Variants in CACNA1D observed in about 807,000 individuals in gnomAD.
The protein encoded by CACNA1D is calcium voltage-gated channel subunit alpha1 D.
CACNA1D carries 55 observed loss-of-function variants against 257.1 expected under a neutral mutation model. The ratio of observed to expected loss-of-function variants is 0.21; its 90% CI spans 0.17 to 0.27. The LOEUF is 0.27. Among genes scored for constraint, CACNA1D ranks in the 10% least tolerant of loss-of-function variants. The pLI, the probability that CACNA1D is intolerant of heterozygous loss-of-function variation, is 1.00. For missense variants in CACNA1D, 1,876 were observed against 2,784.0 expected (o/e 0.67, Z 7.34); for synonymous variants, 980 against 1,014.9 (o/e 0.97, Z 0.65).
chr3:53,632,972 G>C (rs537246452), intron 3 of CACNA1D, among the ~76,000 whole-genome samples: 1 of 152,220 alleles, frequency 6.6e-6, no homozygotes, highest in Non-Finnish European at 1.5e-5. Context: ...GAGACACAAA[G>C]TGAGCACTTA....
At position 53,723,594 on chromosome 3, in the gene CACNA1D, C is replaced by T; in HGVS notation, c.1827C>T (p.Ile609=). 1 of 1,614,114 alleles carries T rather than the reference C, an allele frequency of 6.2e-7. No homozygotes were observed. The highest frequency in any genetic ancestry group is 8.5e-7 in the Non-Finnish European group (1 of 1,180,020). Residue 609 remains isoleucine, a synonymous_variant, in exon 13 of 48, where the codon ATC becomes ATT. Coordinates refer to ENST00000350061, the MANE Select transcript of CACNA1D (RefSeq NM_001128840.3). The surrounding 1 kb of genome is among the most constrained non-coding windows in gnomAD (Gnocchi z 5.6). ...AGACGATCTTGGTGGAACTGGAAAT[C>T]ATGTCTCCCCTGGGGATCTCTGTGT... ...ITETILVELE[I]MSPLGISVFR... is the part of the protein sequence containing the mutation.
intron 29 of CACNA1D, among the ~76,000 whole-genome samples, chr3:53,760,013 G>A (rs2095291335): frequency 6.6e-6 from 1 of 152,162 alleles, no homozygotes; most frequent in Non-Finnish European, 1.5e-5. Context: ...TCAGATTTGG[G>A]GCTCACAAAT....
At chr3:53,686,723 A>C (rs1316311232) in intron 8 of CACNA1D, among the ~76,000 whole-genome samples, 1 of 152,060 alleles carries the variant, frequency 6.6e-6, no homozygotes, top group East Asian at 1.9e-4. Flanking sequence ...TGAAAGACTC[A>C]ATCTTTTCTT....
chr3:53,727,955 C>G (rs968827848), intron 15 of CACNA1D, among the ~76,000 whole-genome samples: 2 of 152,000 alleles, frequency 1.3e-5, no homozygotes, highest in African/African-American at 4.8e-5. Context: ...TATAAAAACC[C>G]CATCTCAACA....
At chr3:53,554,950 C>T (rs2092610008) in intron 3 of CACNA1D, among the ~76,000 whole-genome samples, 1 of 152,146 alleles carries the variant, frequency 6.6e-6, no homozygotes, top group Non-Finnish European at 1.5e-5. Context: ...TTGACTTAAT[C>T]AGAAACAACA....
chr3:53,738,086 C>T (rs1261736399), intron 20 of CACNA1D, among the ~76,000 whole-genome samples: 3 of 152,178 alleles, frequency 2.0e-5, no homozygotes, highest in Non-Finnish European at 2.9e-5. Context: ...CCAAGAAACC[C>T]GACCAGCAGA....
intron 3 of CACNA1D, among the ~76,000 whole-genome samples, chr3:53,645,310 G>A (rs1171185429): frequency 6.6e-6 from 1 of 152,046 alleles, no homozygotes; most frequent in African/African-American, 2.4e-5. Context: ...GTGTGTAAGC[G>A]TTTTAGTTAG....
chr3:53,626,833 C>G (rs1275104127), intron 3 of CACNA1D, among the ~76,000 whole-genome samples: 1 of 152,166 alleles, frequency 6.6e-6, no homozygotes, highest in African/African-American at 2.4e-5. Context: ...TCTCCCCTTC[C>G]TAGATGACCT....
chr3:53,740,191 G>C (rs2095102244), intron 20 of CACNA1D, 89 bp from the exon 21 acceptor site: 1 of 952,242 alleles, frequency 1.1e-6, no homozygotes, highest in Non-Finnish European at 1.7e-6. Context: ...ATGGGTCTCT[G>C]ACTGGATCGG....
intron 3 of CACNA1D, among the ~76,000 whole-genome samples, chr3:53,621,468 G>A (rs1041376289): frequency 6.6e-6 from 1 of 152,180 alleles, no homozygotes; most frequent in African/African-American, 2.4e-5. Flanking sequence ...TTTCTCAAAA[G>A]TTGCCTTGGG....
intron 2 of CACNA1D, among the ~76,000 whole-genome samples, chr3:53,498,965 C>T (rs1384810352): frequency 6.6e-6 from 1 of 152,156 alleles, no homozygotes; most frequent in Non-Finnish European, 1.5e-5. Context: ...GCTCGGTAAG[C>T]CAGCATGTGG....
chr3:53,531,441 G>A (rs1411862227), intron 3 of CACNA1D, among the ~76,000 whole-genome samples: 1 of 152,186 alleles, frequency 6.6e-6, no homozygotes, highest in Non-Finnish European at 1.5e-5. Flanking sequence ...GGAAAAACAT[G>A]TCTTTAAACC....
chr3:53,638,625 T>C (rs549771425), intron 3 of CACNA1D, among the ~76,000 whole-genome samples: 1 of 152,186 alleles, frequency 6.6e-6, no homozygotes, highest in Non-Finnish European at 1.5e-5. Flanking sequence ...GCTTCTGGTG[T>C]CTGTATTCTC....
chr3:53,546,906 G>C (rs1225075555), intron 3 of CACNA1D, among the ~76,000 whole-genome samples: 1 of 152,094 alleles, frequency 6.6e-6, no homozygotes, highest in Non-Finnish European at 1.5e-5. Context: ...TATACAACAT[G>C]GGCTTTGTAA....
chr3:53,496,335 C>G (rs940768845), intron 1 of CACNA1D, among the ~76,000 whole-genome samples: 4 of 152,216 alleles, frequency 2.6e-5, no homozygotes, highest in Admixed American at 2.6e-4. Context: ...CCAACCTACA[C>G]GGAGATAATT....
chr3:53,543,585 T>C (rs2107536841), intron 3 of CACNA1D, among the ~76,000 whole-genome samples: 1 of 152,358 alleles, frequency 6.6e-6, no homozygotes, highest in Admixed American at 6.5e-5. Flanking sequence ...GTCCTAATAA[T>C]AGCTAACATT....
intron 47 of CACNA1D, chr3:53,810,705 C>T (rs2095593508): frequency 6.3e-6 from 2 of 317,818 alleles, no homozygotes; most frequent in South Asian, 2.7e-5. Flanking sequence ...CTGCAGTGAG[C>T]CGAGATCACA....
Position 53,774,321 on chromosome 3 carries a change from T to C in CACNA1D, c.4111-266T>C, listed in dbSNP as rs2095383967. 2.2e-6 allele frequency: 1 copy of C among 457,868 alleles called. No individual in the cohort carries two copies. The highest frequency in any genetic ancestry group is 4.4e-5 in the East Asian group (1 of 22,920). The allele number at this position is 457,868 out of a possible 1,614,324, so 28.4% of individuals were successfully genotyped here. On this transcript the variant is annotated intron_variant, in intron 33 of 47. Coordinates refer to ENST00000350061, the MANE Select transcript of CACNA1D (RefSeq NM_001128840.3). The surrounding 1 kb of genome is among the most constrained non-coding windows in gnomAD (Gnocchi z 4.3). ...CCCCAGCATCATCACTGGGGTTTGA[T>C]GTTGCCTGGCTACCTTTGTGTCTCC...
chr3:53,517,487 CTTT>C (rs529370207), intron 3 of CACNA1D, among the ~76,000 whole-genome samples: 1 of 140,698 alleles, frequency 7.1e-6, no homozygotes, highest in Non-Finnish European at 1.6e-5. Context: ...TTCTTTCTTT[CTTT>C]TTTTTTTTTT....
Sources: gnomAD v4.1 joint callset for allele counts (sites outside exome capture counted in the v4.1 genomes callset) on GRCh38, gnomAD v4.1.1 for gene constraint, Gnocchi (gnomAD v3.1) non-coding constraint, MANE v1.5 for transcripts, NCBI Gene and HGNC (gene_info 2026-07-23, HGNC 2026-07-21) for gene names.